Variants in RIN2 observed in about 807,000 individuals in gnomAD.
The protein encoded by RIN2 is Ras and Rab interactor 2.
In RIN2, 36 loss-of-function variants were observed where a neutral mutation model predicts 78.0. The ratio of observed to expected loss-of-function variants is 0.46; its 90% CI spans 0.35 to 0.61. The LOEUF (loss-of-function observed/expected upper bound fraction) is 0.61, where lower values mean the gene tolerates loss of function less well. Among genes scored for constraint, RIN2 ranks in the 20% least tolerant of loss-of-function variants. The pLI, the probability that RIN2 is intolerant of heterozygous loss-of-function variation, is 0.00. For missense variants in RIN2, 1,087 were observed against 1,159.7 expected, an observed-to-expected ratio of 0.94 and a Z score of 0.91; for synonymous variants, 466 against 466.8, an observed-to-expected ratio of 1.00 and a Z score of 0.02.
At chr20:19,813,432 A>G (rs917103261) in intron 2 of RIN2, among the ~76,000 whole-genome samples, 2 of 152,250 alleles carry the variant, frequency 1.3e-5, no homozygotes, top group East Asian at 3.8e-4. Flanking sequence ...CCGAATACGT[A>G]CCAGATACTA....
chr20:19,986,493 C>A (rs2042627081), intron 9 of RIN2, among the ~76,000 whole-genome samples: 1 of 152,098 alleles, frequency 6.6e-6, no homozygotes, highest in South Asian at 2.1e-4. Context: ...GCAATTGGTC[C>A]TAGGTTTCAA....
At chr20:19,991,671 T>C (rs1215456027) in intron 10 of RIN2, among the ~76,000 whole-genome samples, 1 of 152,244 alleles carries the variant, frequency 6.6e-6, no homozygotes, top group African/African-American at 2.4e-5. Context: ...ATGTACTGAA[T>C]TGGCACGTTT....
At chr20:19,992,860 T>A (rs980144079) in intron 11 of RIN2, among the ~76,000 whole-genome samples, 2 of 152,206 alleles carry the variant, frequency 1.3e-5, no homozygotes, top group African/African-American at 4.8e-5. Context: ...CTTGGCTTTG[T>A]TTTTATTTTT....
chr20:19,886,713 A>C (rs1180962521), intron 2 of RIN2: 1 of 1,547,924 alleles, frequency 6.5e-7, no homozygotes, highest in Admixed American at 2.0e-5. Context: ...CCCTTCAGGG[A>C]AGCCAGGAAA....
At chr20:19,785,548 T>G (rs2034649342) in intron 1 of RIN2, among the ~76,000 whole-genome samples, 1 of 152,172 alleles carries the variant, frequency 6.6e-6, no homozygotes, top group Non-Finnish European at 1.5e-5. Flanking sequence ...AACTGTTGCC[T>G]TTTCCCATCC....
chr20:19,838,112 G>C (rs1443705318), intron 2 of RIN2, among the ~76,000 whole-genome samples: 2 of 152,082 alleles, frequency 1.3e-5, no homozygotes, highest in African/African-American at 4.8e-5. Context: ...TCATTGGAAG[G>C]CTATTTCCAT....
intron 2 of RIN2, among the ~76,000 whole-genome samples, chr20:19,882,898 A>G (rs2038068150): frequency 6.6e-6 from 1 of 152,208 alleles, no homozygotes; most frequent in South Asian, 2.1e-4. Context: ...AGACAATGCT[A>G]GGTATCTTAT....
chr20:19,870,649 A>AAAAG (rs1001058230), intron 2 of RIN2, among the ~76,000 whole-genome samples: 3 of 152,204 alleles, frequency 2.0e-5, no homozygotes, highest in Non-Finnish European at 2.9e-5. Flanking sequence ...TCTTTCAAAA[A>AAAAG]AAAGAAAGAA....
At chr20:19,801,871 A>G (rs1319124887) in intron 2 of RIN2, among the ~76,000 whole-genome samples, 1 of 152,208 alleles carries the variant, frequency 6.6e-6, no homozygotes, top group Non-Finnish European at 1.5e-5. Flanking sequence ...ATGATGTTGT[A>G]GGTTTGTCTT....
intron 3 of RIN2, among the ~76,000 whole-genome samples, chr20:19,919,959 T>C (rs2039842378): frequency 6.6e-6 from 1 of 152,120 alleles, no homozygotes; most frequent in Non-Finnish European, 1.5e-5. Flanking sequence ...ATGCTAAAAC[T>C]AACTGGGGCT....
intron 2 of RIN2, among the ~76,000 whole-genome samples, chr20:19,881,583 T>G (rs1283953577): frequency 6.6e-6 from 1 of 152,182 alleles, no homozygotes; most frequent in Non-Finnish European, 1.5e-5. Context: ...TATTTATTTA[T>G]TTTTTAAAAG....
intron 4 of RIN2, among the ~76,000 whole-genome samples, chr20:19,951,807 T>C (rs190186743): frequency 5.1e-4 from 77 of 152,350 alleles, no homozygotes; most frequent in African/African-American, 1.7e-3. Flanking sequence ...TGCCCTGAGC[T>C]TGGCTCTGTG....
rs1031106258 is a variant in RIN2 at position 19,833,283 on chromosome 20, T to TTATATATATATATATATATA, written c.-37+33549_-37+33550insATATATATATATATATATAT. On this transcript the variant is annotated intron_variant, in intron 2 of 12. Coordinates refer to ENST00000255006, the MANE Select transcript of RIN2 (RefSeq NM_018993.4). ...CTATATATAGATAGATAGATATAGGTTATATATATATATTTTAACTTTAAG... is the reference window on the plus strand; with the variant it reads ...CTATATATAGATAGATAGATATAGGTTATATATATATATATATATATATATATATATATTTTAACTTTAAG... 4.0e-4 allele frequency among the ~76,000 whole-genome samples: 60 copies of TTATATATATATATATATATA among 151,024 alleles called. No individual in the cohort carries two copies. In the Middle Eastern group the frequency reaches 0.014, roughly 34 times the overall value.
At chr20:19,932,706 C>T (rs549862704) in intron 3 of RIN2, among the ~76,000 whole-genome samples, 1 of 152,152 alleles carries the variant, frequency 6.6e-6, no homozygotes, top group East Asian at 1.9e-4. Flanking sequence ...CTTAGATAAT[C>T]TCTCCCTGCC....
chr20:19,917,229 T>A (rs1451779613), intron 3 of RIN2, among the ~76,000 whole-genome samples: 11 of 152,004 alleles, frequency 7.2e-5, no homozygotes, highest in Admixed American at 5.9e-4. Flanking sequence ...GCCACGGTCA[T>A]CCACCGAATG....
intron 7 of RIN2, among the ~76,000 whole-genome samples, chr20:19,970,434 AG>A (rs1409324952): frequency 6.6e-6 from 1 of 152,240 alleles, no homozygotes; most frequent in African/African-American, 2.4e-5. Context: ...ATCTCGGTTT[AG>A]GATTCCACAT....
At chr20:19,779,809 C>T (rs1393484100) in intron 1 of RIN2, among the ~76,000 whole-genome samples, 2 of 152,132 alleles carry the variant, frequency 1.3e-5, no homozygotes, top group East Asian at 3.8e-4. Flanking sequence ...CGAGTTAGTG[C>T]GATGGATGTG....
At chr20:19,768,307 G>A (rs2033976366) in intron 1 of RIN2, among the ~76,000 whole-genome samples, 1 of 152,218 alleles carries the variant, frequency 6.6e-6, no homozygotes, top group African/African-American at 2.4e-5. Context: ...GGGGAAAGGG[G>A]GCCAGAGGCA....
intron 2 of RIN2, among the ~76,000 whole-genome samples, chr20:19,859,890 A>C (rs1226602272): frequency 6.6e-6 from 1 of 152,180 alleles, no homozygotes; most frequent in Non-Finnish European, 1.5e-5. Context: ...TATTTGGGAG[A>C]TGATCCCCAG....
Sources: gnomAD v4.1 joint callset for allele counts (sites outside exome capture counted in the v4.1 genomes callset) on GRCh38, gnomAD v4.1.1 for gene constraint, MANE v1.5 for transcripts, NCBI Gene and HGNC (gene_info 2026-07-23, HGNC 2026-07-21) for gene names.